UQCRH: variants seen among roughly 807,000 people sequenced by gnomAD.
UQCRH encodes the protein cytochrome b-c1 complex subunit 6, mitochondrial.
A neutral mutation model predicts 16.3 loss-of-function variants in UQCRH; 14 were observed. That is an observed-to-expected ratio of 0.86 (90% CI 0.57 to 1.34). The LOEUF is 1.34. Ranked by LOEUF, UQCRH falls within the 40% of genes most tolerant of loss-of-function variation. UQCRH has a pLI of 0.00. For synonymous variants in UQCRH, 41 were observed against 41.9 expected (o/e 0.98, Z 0.08); for missense variants, 89 against 111.9 (o/e 0.80, Z 0.92).
chr1:46,306,984 C>T (rs1249880713), intron 1 of UQCRH, among the ~76,000 whole-genome samples: 1 of 152,198 alleles, frequency 6.6e-6, no homozygotes, highest in Admixed American at 6.5e-5. Context: ...CCCCTGGGCT[C>T]AAGGGATCCT....
At chr1:46,312,180 C>T (rs1176922410) in intron 3 of UQCRH, among the ~76,000 whole-genome samples, 2 of 151,946 alleles carry the variant, frequency 1.3e-5, no homozygotes, top group Non-Finnish European at 2.9e-5. Context: ...ACTGCAACCT[C>T]CACCTCCTGG....
chr1:46,305,039 C>T (rs1661340413), intron 1 of UQCRH, among the ~76,000 whole-genome samples: 1 of 152,064 alleles, frequency 6.6e-6, no homozygotes. Flanking sequence ...TGAGGCCGGG[C>T]GCAGTGGCTC....
intron 1 of UQCRH, among the ~76,000 whole-genome samples, chr1:46,304,328 A>G (rs1030267874): frequency 1.3e-5 from 2 of 152,196 alleles, no homozygotes; most frequent in Non-Finnish European, 2.9e-5. Context: ...TCCCAGAGAA[A>G]GAGTGCTGCT....
intron 1 of UQCRH, among the ~76,000 whole-genome samples, chr1:46,308,279 CA>C (rs1365805005): frequency 1.3e-5 from 2 of 152,000 alleles, no homozygotes; most frequent in Non-Finnish European, 2.9e-5. Flanking sequence ...ATATGCCACA[CA>C]AAAAAATGCA....
Position 46,303,926 on chromosome 1 carries a change from G to A in UQCRH, c.54+106G>A, listed in dbSNP as rs539102767. The A allele has an allele frequency of 6.8e-6, 10 of 1,478,946 alleles. No homozygotes were observed. In the East Asian group the frequency reaches 2.3e-4, roughly 34 times the overall value. The allele number at this position is 1,478,946 out of a possible 1,614,324, so 91.6% of individuals were successfully genotyped here. A position where few individuals can be genotyped will look rare whatever the true frequency, so the allele number is the denominator to read the frequency against. Reference sequence around the variant, plus strand: ...CTTAGCCCCCAGTTTACCCTCTAGGGTTTGCATAGTCGGGAGCTCTAGTTC... The same window carrying A: ...CTTAGCCCCCAGTTTACCCTCTAGGATTTGCATAGTCGGGAGCTCTAGTTC... On this transcript the variant is annotated intron_variant, in intron 1 of 3. Coordinates refer to ENST00000311672, the MANE Select transcript of UQCRH (RefSeq NM_006004.4).
intron 3 of UQCRH, among the ~76,000 whole-genome samples, chr1:46,311,260 C>A (rs1008553816): frequency 1.3e-5 from 2 of 151,084 alleles, no homozygotes; most frequent in Non-Finnish European, 2.9e-5. Context: ...ACAGACTGTT[C>A]TTTAAAAATA....
At chr1:46,305,011 CT>C (rs777641373) in intron 1 of UQCRH, among the ~76,000 whole-genome samples, 2 of 151,928 alleles carry the variant, frequency 1.3e-5, no homozygotes, top group Non-Finnish European at 1.5e-5. Context: ...CTTATTATTT[CT>C]AAAAAGAAAT....
chr1:46,311,084 A>T (rs186115020), intron 3 of UQCRH, among the ~76,000 whole-genome samples: 34,000 of 148,746 alleles, frequency 0.23, 4,363 homozygotes, highest in Non-Finnish European at 0.29. Flanking sequence ...CAAAAAAAAA[A>T]AAAAATAATA....
rs896293426 is a variant in UQCRH at position 46,312,014 on chromosome 1, C to A, written c.243+1698C>A. Reference sequence around the variant, plus strand: ...GCACAATTATGGCACACTACAGCCTCTACCTCCTGGTTCAAACAATCCTTC... The same window carrying A: ...GCACAATTATGGCACACTACAGCCTATACCTCCTGGTTCAAACAATCCTTC... On this transcript the variant is annotated intron_variant, in intron 3 of 3. Transcript: ENST00000311672. 1.4e-4 allele frequency among the ~76,000 whole-genome samples: 21 copies of A among 151,812 alleles called. No individual in the cohort carries two copies. The South Asian group carries it at 2.7e-3, about 20-fold the overall frequency.
chr1:46,312,235 A>G (rs1041977384), intron 3 of UQCRH, among the ~76,000 whole-genome samples: 2 of 151,770 alleles, frequency 1.3e-5, no homozygotes, highest in Non-Finnish European at 2.9e-5. Context: ...AACTGGGATT[A>G]AAGGTGCACG....
intron 1 of UQCRH, among the ~76,000 whole-genome samples, chr1:46,308,556 G>A (rs1160535009): frequency 6.6e-6 from 1 of 152,190 alleles, no homozygotes; most frequent in Non-Finnish European, 1.5e-5. Flanking sequence ...AGGAGGCAGG[G>A]CCAGGCTGAG....
chr1:46,316,294 TAGG>T (rs1244006943), intron 3 of UQCRH, among the ~76,000 whole-genome samples: 2 of 152,062 alleles, frequency 1.3e-5, no homozygotes, highest in East Asian at 1.9e-4. Context: ...TGTGGAAAGA[TAGG>T]AGGGACAGAT....
intron 3 of UQCRH, among the ~76,000 whole-genome samples, 174 bp from the exon 4 acceptor site, chr1:46,316,378 G>A (rs1276648621): frequency 6.6e-6 from 1 of 152,130 alleles, no homozygotes; most frequent in Admixed American, 6.6e-5. Context: ...AAATTCTAAA[G>A]GAAGAATAAA....
At chr1:46,311,189 CAT>C (rs1035568223) in intron 3 of UQCRH, among the ~76,000 whole-genome samples, 2 of 151,796 alleles carry the variant, frequency 1.3e-5, no homozygotes, top group Non-Finnish European at 2.9e-5. Flanking sequence ...GAGAAAAAAA[CAT>C]AAACATCCCA....
intron 3 of UQCRH, among the ~76,000 whole-genome samples, chr1:46,311,392 A>G (rs12736037): frequency 0.028 from 4,238 of 150,810 alleles, 95 homozygotes; most frequent in Non-Finnish European, 0.042. Context: ...ATCTTGGCTA[A>G]CACAGCGAAA....
chr1:46,304,725 G>T (rs1458997379), intron 1 of UQCRH, among the ~76,000 whole-genome samples: 15 of 152,134 alleles, frequency 9.9e-5, no homozygotes, highest in Admixed American at 9.8e-4. Flanking sequence ...TGAAGTAAGT[G>T]TTGGGTACTA....
chr1:46,305,298 C>CAAAAAAA (rs11444271), intron 1 of UQCRH, among the ~76,000 whole-genome samples: 3 of 65,002 alleles, frequency 4.6e-5, no homozygotes, highest in Non-Finnish European at 5.5e-5. Flanking sequence ...GACCCTGTCT[C>CAAAAAAA]AAAAAAAAAA....
intron 1 of UQCRH, among the ~76,000 whole-genome samples, chr1:46,305,110 G>T (rs993699425): frequency 1.3e-5 from 2 of 151,274 alleles, no homozygotes; most frequent in Non-Finnish European, 2.9e-5. Context: ...ATGAGTCCAG[G>T]AGTTGGACCA....
At chr1:46,308,561 G>T (rs1661414000) in intron 1 of UQCRH, among the ~76,000 whole-genome samples, 1 of 152,216 alleles carries the variant, frequency 6.6e-6, no homozygotes, top group Non-Finnish European at 1.5e-5. Context: ...GCAGGGCCAG[G>T]CTGAGTGGCT....
Sources: gnomAD v4.1 joint callset for allele counts (sites outside exome capture counted in the v4.1 genomes callset) on GRCh38, gnomAD v4.1.1 for gene constraint, MANE v1.5 for transcripts, NCBI Gene and HGNC (gene_info 2026-07-23, HGNC 2026-07-21) for gene names.